Variants in CHST11 observed in about 807,000 individuals in gnomAD.
CHST11 encodes the protein carbohydrate sulfotransferase 11.
A neutral mutation model predicts 30.4 loss-of-function variants in CHST11; 9 were observed. The ratio of observed to expected loss-of-function variants is 0.30; its 90% CI spans 0.18 to 0.52. The LOEUF (loss-of-function observed/expected upper bound fraction) is 0.52. Among genes scored for constraint, CHST11 ranks in the 20% least tolerant of loss-of-function variants. The pLI, the probability that CHST11 is intolerant of heterozygous loss-of-function variation, is 0.97. For missense variants in CHST11, 348 were observed against 460.6 expected (o/e 0.76, Z 2.24); for synonymous variants, 152 against 187.8 (o/e 0.81, Z 1.56).
chr12:104,591,754 T>C lies in CHST11; in HGVS notation c.119-10152T>C, dbSNP rs1047134756. 4 of 153,470 alleles carry C rather than the reference T, an allele frequency of 2.6e-5. No individual in the cohort carries two copies. In the East Asian group the frequency reaches 6.0e-4, roughly 23 times the overall value. 9.5% of individuals were successfully genotyped at this position (153,470 alleles called of 1,614,324 possible). On this transcript the variant is annotated intron_variant, in intron 1 of 2. Transcript: ENST00000303694. ...TCAGACGTTTTCAAAGCATGCACCA[T>C]GACCCACGGGTGTGTTGTAAAATGG...
intron 2 of CHST11, among the ~76,000 whole-genome samples, chr12:104,618,095 G>A (rs1469938710): frequency 6.6e-6 from 1 of 151,822 alleles, no homozygotes; most frequent in Non-Finnish European, 1.5e-5. Flanking sequence ...TTTTAGTAGA[G>A]ACGGGTTTTC....
chr12:104,637,159 G>T (rs2039330324), intron 2 of CHST11, among the ~76,000 whole-genome samples: 1 of 151,732 alleles, frequency 6.6e-6, no homozygotes, highest in African/African-American at 2.4e-5. Context: ...AAAAAAATGA[G>T]CTGGGTGTGG....
Position 104,607,128 on chromosome 12 carries a change from C to G in CHST11, c.204+5137C>G, listed in dbSNP as rs1470694068. On this transcript the variant is annotated intron_variant, in intron 2 of 2. Coordinates refer to ENST00000303694, the MANE Select transcript of CHST11 (RefSeq NM_018413.6). Reference sequence around the variant, plus strand: ...GCAGATTTATTTTTTGCTTAGTGAACCTGATAGATAGCCCAGTGAAGGACA... The same window carrying G: ...GCAGATTTATTTTTTGCTTAGTGAAGCTGATAGATAGCCCAGTGAAGGACA... Among the ~76,000 whole-genome samples the G allele has an allele frequency of 6.6e-5, 10 of 151,676 alleles. No homozygotes were observed. The East Asian group carries it at 1.9e-3, about 29-fold the overall frequency.
intron 1 of CHST11, among the ~76,000 whole-genome samples, chr12:104,460,334 G>C (rs1442106151): frequency 1.3e-5 from 2 of 152,100 alleles, no homozygotes; most frequent in Non-Finnish European, 2.9e-5. Context: ...TCCAGGCTTC[G>C]TTGGTGGCTG....
At chr12:104,464,234 A>T (rs962758665) in intron 1 of CHST11, among the ~76,000 whole-genome samples, 1 of 151,554 alleles carries the variant, frequency 6.6e-6, no homozygotes, top group African/African-American at 2.4e-5. Flanking sequence ...CACCTGGCTA[A>T]TTTTTGCATT....
chr12:104,563,104 G>A (rs1337496333), intron 1 of CHST11, among the ~76,000 whole-genome samples: 1 of 152,160 alleles, frequency 6.6e-6, no homozygotes, highest in Non-Finnish European at 1.5e-5. Flanking sequence ...GCAGTGGCAT[G>A]ATCTTGGCTC....
At chr12:104,515,915 C>G (rs2135984693) in intron 1 of CHST11, among the ~76,000 whole-genome samples, 1 of 152,304 alleles carries the variant, frequency 6.6e-6, no homozygotes, top group African/African-American at 2.4e-5. Context: ...GTGCATAGAG[C>G]ATTTTTGTGT....
chr12:104,533,437 G>A lies in CHST11; in HGVS notation c.119-68469G>A, dbSNP rs2065139986. Among the ~76,000 whole-genome samples, 2 of 152,176 alleles carry A rather than the reference G, an allele frequency of 1.3e-5. 1 individual carries two copies. The highest frequency in any genetic ancestry group is 4.1e-4 in the South Asian group (2 of 4,826). On this transcript the variant is annotated intron_variant, in intron 1 of 2. Transcript: ENST00000303694. ...GGCATTTTGTGAAGCACCTGGGGAAGAACTTATAAGTTTAATTTCCTCTGA... is the reference window on the plus strand; with the variant it reads ...GGCATTTTGTGAAGCACCTGGGGAAAAACTTATAAGTTTAATTTCCTCTGA...
At chr12:104,469,235 CT>C (rs1165424763) in intron 1 of CHST11, among the ~76,000 whole-genome samples, 1 of 152,226 alleles carries the variant, frequency 6.6e-6, no homozygotes, top group Admixed American at 6.5e-5. Context: ...CACCCTCTGT[CT>C]GCCGTACTAA....
intron 2 of CHST11, among the ~76,000 whole-genome samples, chr12:104,666,837 A>T (rs1253959833): frequency 1.3e-5 from 2 of 151,766 alleles, no homozygotes; most frequent in African/African-American, 4.8e-5. Flanking sequence ...ACCGTTCTAC[A>T]GTACCGTGTG....
At chr12:104,747,546 C>T (rs2136143134) in intron 2 of CHST11, among the ~76,000 whole-genome samples, 1 of 152,116 alleles carries the variant, frequency 6.6e-6, no homozygotes, top group South Asian at 2.1e-4. Flanking sequence ...AATTCCTCTG[C>T]CAGAAAGAAA....
chr12:104,475,673 TA>T (rs1409975481), intron 1 of CHST11, among the ~76,000 whole-genome samples: 26 of 82,278 alleles, frequency 3.2e-4, no homozygotes, highest in South Asian at 1.4e-3. Flanking sequence ...TATATATATA[TA>T]TATATATATA....
At chr12:104,656,095 A>G (rs987859943) in intron 2 of CHST11, among the ~76,000 whole-genome samples, 1 of 152,200 alleles carries the variant, frequency 6.6e-6, no homozygotes, top group African/African-American at 2.4e-5. Context: ...AAACCGTAAA[A>G]GATTTCTGAT....
chr12:104,662,756 C>CTGTTTT (rs2039608686), intron 2 of CHST11, among the ~76,000 whole-genome samples: 1 of 152,102 alleles, frequency 6.6e-6, no homozygotes, highest in Admixed American at 6.5e-5. Context: ...GGAGGAGGGT[C>CTGTTTT]TGTTTTTGTT....
At chr12:104,646,140 A>G (rs1407350116) in intron 2 of CHST11, among the ~76,000 whole-genome samples, 1 of 151,938 alleles carries the variant, frequency 6.6e-6, no homozygotes, top group Non-Finnish European at 1.5e-5. Context: ...GTTGCATTTC[A>G]TATCCTCTAT....
At chr12:104,704,015 T>C (rs942642149) in intron 2 of CHST11, among the ~76,000 whole-genome samples, 5 of 152,178 alleles carry the variant, frequency 3.3e-5, no homozygotes, top group Admixed American at 6.5e-5. Flanking sequence ...ATTCTCCTTT[T>C]GTTGAATGGG....
chr12:104,754,703 A>T (rs1419797128), intron 2 of CHST11, among the ~76,000 whole-genome samples: 3 of 152,194 alleles, frequency 2.0e-5, no homozygotes, highest in African/African-American at 7.2e-5. Flanking sequence ...GGGAATGCAC[A>T]TCGGGGGATA....
intron 2 of CHST11, among the ~76,000 whole-genome samples, chr12:104,638,827 C>A (rs892881655): frequency 2.0e-5 from 3 of 152,184 alleles, no homozygotes; most frequent in Admixed American, 6.5e-5. Flanking sequence ...TAGTTTTCAG[C>A]CGCTTTTTTT....
In CHST11 at chr12:104,457,593, C is replaced by G. The variant is rs552437886; in HGVS notation, c.118+64C>G. ...TTCTCTCTCGCGCTCTAGCTCGCTCCGCCTGATTTCTGCCTCTTCCAACCC... is the reference window on the plus strand; with the variant it reads ...TTCTCTCTCGCGCTCTAGCTCGCTCGGCCTGATTTCTGCCTCTTCCAACCC... On this transcript the variant is annotated intron_variant, in intron 1 of 2. Coordinates refer to ENST00000303694, the MANE Select transcript of CHST11 (RefSeq NM_018413.6). 2.0e-5 allele frequency: 24 copies of G among 1,183,114 alleles called. No individual in the cohort carries two copies. The Admixed American group carries it at 2.4e-4, about 12-fold the overall frequency. The allele number at this position is 1,183,114 out of a possible 1,614,324, so 73.3% of individuals were successfully genotyped here.
Sources: allele counts gnomAD v4.1 joint callset (sites outside exome capture counted in the v4.1 genomes callset), GRCh38; gene constraint gnomAD v4.1.1; transcripts MANE v1.5; gene names NCBI Gene and HGNC (gene_info 2026-07-23, HGNC 2026-07-21).